Variants in UBR3 observed in about 807,000 individuals in gnomAD.
UBR3 encodes the protein ubiquitin protein ligase E3 component n-recognin 3.
UBR3 carries 85 observed loss-of-function variants against 243.2 expected under a neutral mutation model. The observed-to-expected ratio is 0.35, with a 90% CI of 0.29 to 0.42. The LOEUF (loss-of-function observed/expected upper bound fraction) is 0.42, where lower values mean the gene tolerates loss of function less well. UBR3 is among the 10% of genes least tolerant of loss of function. The probability of loss-of-function intolerance (pLI) is 1.00; values close to 1 mark genes in which losing one functional copy is unlikely to be tolerated. For synonymous variants in UBR3, 748 were observed against 799.8 expected (o/e 0.94, Z 1.09); for missense variants, 1,686 against 2,300.8 (o/e 0.73, Z 5.47).
At chr2:170,066,966 A>AAATAATAATAAGAATAAT in intron 35 of UBR3, among the ~76,000 whole-genome samples, 1 of 102,558 alleles carries the variant, frequency 9.8e-6, no homozygotes, top group East Asian at 2.7e-4. Context: ...TCCGTCTCTA[A>AAATAATAATAAGAATAAT]AATAATAATA....
intron 8 of UBR3, among the ~76,000 whole-genome samples, chr2:169,902,656 C>G (rs11680335): frequency 0.49 from 73,331 of 149,832 alleles, 18,604 homozygotes; most frequent in African/African-American, 0.63. Context: ...GTCACTTAGG[C>G]TGGAGTGCAG....
chr2:169,994,514 C>T (rs2089411246), intron 26 of UBR3, 58 bp downstream of exon 26: 23 of 1,523,060 alleles, frequency 1.5e-5, no homozygotes, highest in Non-Finnish European at 1.9e-5. Context: ...TATTTCCCTC[C>T]AGAATTTTAC....
chr2:169,827,479 C>T lies in UBR3; in HGVS notation c.-29C>T, dbSNP rs139952453. The T allele has an allele frequency of 1.3e-3, 1,546 of 1,223,782 alleles. 56 individuals carry two copies. In the East Asian group the frequency reaches 0.049, roughly 39 times the overall value. The allele number at this position is 1,223,782 out of a possible 1,614,324, so 75.8% of individuals were successfully genotyped here. On this transcript the variant is annotated 5_prime_UTR_variant, in exon 1 of 39. Coordinates refer to ENST00000272793, the MANE Select transcript of UBR3 (RefSeq NM_172070.4). Reference sequence around the variant, plus strand: ...ACTCTCCCTGGAGGAGCCGCTGGCCCTGGACTCTCCAAATTCTGAGCTCTC... The same window carrying T: ...ACTCTCCCTGGAGGAGCCGCTGGCCTTGGACTCTCCAAATTCTGAGCTCTC...
rs1254386253 is a variant in UBR3 at position 169,827,691 on chromosome 2, G to A, written c.184G>A (p.Glu62Lys). ...QALLERVLSA[E>K]RPLAAAAGGE... is the part of the protein sequence containing the mutation. ...GCTGCTGGAGCGGGTGCTGAGCGCC[G>A]AGCGGCCGCTGGCCGCGGCTGCCGG... Residue 62 changes from glutamate (E) to lysine (K), a missense_variant, in exon 1 of 39, where the codon GAG (glutamate) becomes AAG (lysine). Around this residue, in one of 8 missense-constraint regions of UBR3, gnomAD observed 145 missense variants for 243.8 expected, o/e 0.59. Coordinates refer to ENST00000272793, the MANE Select transcript of UBR3 (RefSeq NM_172070.4). 8.3e-6 allele frequency: 10 copies of A among 1,210,702 alleles called. No individual in the cohort carries two copies. The Admixed American group carries it at 1.3e-4, about 16-fold the overall frequency. The allele number at this position is 1,210,702 out of a possible 1,614,324, so 75.0% of individuals were successfully genotyped here. A position where few individuals can be genotyped will look rare whatever the true frequency, so the allele number is the denominator to read the frequency against.
At chr2:169,954,504 A>G (rs1197983506) in intron 23 of UBR3, among the ~76,000 whole-genome samples, 1 of 151,466 alleles carries the variant, frequency 6.6e-6, no homozygotes, top group Non-Finnish European at 1.5e-5. Context: ...CAGCCCCACA[A>G]AGTGGTGTGA....
At chr2:169,999,604 T>G (rs963904205) in intron 26 of UBR3, among the ~76,000 whole-genome samples, 2 of 152,216 alleles carry the variant, frequency 1.3e-5, no homozygotes, top group African/African-American at 4.8e-5. Flanking sequence ...ATCTTGTGCC[T>G]TCATATTGCT....
chr2:170,014,607 T>C (rs929924943), intron 29 of UBR3, among the ~76,000 whole-genome samples: 1 of 152,180 alleles, frequency 6.6e-6, no homozygotes, highest in African/African-American at 2.4e-5. Context: ...TTATTAAATA[T>C]TGCTATTTTG....
Position 169,923,928 on chromosome 2 carries a change from G to C in UBR3, c.1867-1G>C. On this transcript the variant is annotated splice_acceptor_variant, in intron 11 of 38. Transcript: ENST00000272793. LOFTEE classifies it high-confidence loss of function. The stretch of plus-strand genomic sequence containing the variant: ...TTGTGCATTTTGTTTGTTTATTCCA[G>C]CCAGCACCTAACCAAGTCACTTTTC... The C allele has an allele frequency of 1.9e-6, 3 of 1,544,288 alleles. No homozygotes were observed. Among genetic ancestry groups the C allele is most frequent in the Non-Finnish European group, 2.6e-6 (3 of 1,145,100 alleles).
chr2:170,013,332 C>T (rs879312489), intron 29 of UBR3, among the ~76,000 whole-genome samples: 2 of 151,984 alleles, frequency 1.3e-5, no homozygotes, highest in Non-Finnish European at 2.9e-5. Flanking sequence ...TTGCTGGATA[C>T]AGTGGTGTGC....
chr2:169,844,522 C>CT (rs2082403075), intron 1 of UBR3, among the ~76,000 whole-genome samples: 1 of 126,404 alleles, frequency 7.9e-6, no homozygotes, highest in Non-Finnish European at 1.6e-5. Flanking sequence ...GAGACAGGGT[C>CT]TTACTCTGTC....
chr2:169,847,079 C>CTGTGTGTGTGTG (rs769261518), intron 1 of UBR3, among the ~76,000 whole-genome samples: 1 of 123,708 alleles, frequency 8.1e-6, no homozygotes, highest in African/African-American at 3.1e-5. Flanking sequence ...TTTTCTTAAA[C>CTGTGTGTGTGTG]TGTGTGTGTG....
At chr2:169,919,020 TAG>T (rs758158834) in intron 11 of UBR3, among the ~76,000 whole-genome samples, 10 of 152,144 alleles carry the variant, frequency 6.6e-5, no homozygotes, top group Non-Finnish European at 1.3e-4. Context: ...AGCTTCTTAG[TAG>T]AAGTGTCAAC....
intron 8 of UBR3, among the ~76,000 whole-genome samples, chr2:169,904,752 A>G (rs10191174): frequency 0.27 from 40,804 of 152,086 alleles, 5,686 homozygotes; most frequent in East Asian, 0.42. Context: ...TATTGATTTC[A>G]ACAGAAAATA....
At chr2:169,914,960 C>G (rs946203760) in intron 11 of UBR3, among the ~76,000 whole-genome samples, 1 of 151,780 alleles carries the variant, frequency 6.6e-6, no homozygotes, top group Admixed American at 6.6e-5. Context: ...TATTCTTGAA[C>G]GATTTGAGAG....
At chr2:170,075,194 C>T (rs4668192) in intron 36 of UBR3, among the ~76,000 whole-genome samples, 7,745 of 151,690 alleles carry the variant, frequency 0.051, 383 homozygotes, top group African/African-American at 0.13. Flanking sequence ...CATTTTATAC[C>T]CTTTTTTTAA....
At chr2:169,882,440 G>C (rs948146642) in intron 5 of UBR3, among the ~76,000 whole-genome samples, 1 of 147,434 alleles carries the variant, frequency 6.8e-6, no homozygotes, top group Non-Finnish European at 1.5e-5. Flanking sequence ...AACTTGTCAA[G>C]TCTTGAGTTA....
chr2:170,062,250 G>A (rs1248602898), intron 35 of UBR3, among the ~76,000 whole-genome samples: 2 of 152,154 alleles, frequency 1.3e-5, no homozygotes, highest in Admixed American at 1.3e-4. Context: ...AAACCAGAAG[G>A]TAAGTAAACC....
At chr2:170,054,614 A>AG in intron 32 of UBR3, among the ~76,000 whole-genome samples, 1 of 152,054 alleles carries the variant, frequency 6.6e-6, no homozygotes, top group South Asian at 2.1e-4. Context: ...TTTTGTAGAG[A>AG]GGGGGTCTGT....
At chr2:169,845,838 C>A (rs2082461770) in intron 1 of UBR3, among the ~76,000 whole-genome samples, 1 of 152,140 alleles carries the variant, frequency 6.6e-6, no homozygotes, top group African/African-American at 2.4e-5. Context: ...CCTGCCTCAG[C>A]CTCCCAGAAT....
Sources: allele counts gnomAD v4.1 joint callset (sites outside exome capture counted in the v4.1 genomes callset), GRCh38; gene constraint gnomAD v4.1.1; regional missense constraint gnomAD v4.1.1; transcripts MANE v1.5; gene names NCBI Gene and HGNC (gene_info 2026-07-23, HGNC 2026-07-21).